The following PREP variants were observed in gnomAD, a reference collection of about 807,000 sequenced individuals.
PREP encodes prolyl endopeptidase.
Under a neutral mutation model 87.6 loss-of-function variants are expected in PREP, and 29 were observed. That is an observed-to-expected ratio of 0.33 (90% CI 0.25 to 0.45). The LOEUF (loss-of-function observed/expected upper bound fraction) is 0.45. PREP is among the 20% of genes least tolerant of loss of function. The pLI is 1.00. For synonymous variants in PREP, 337 were observed against 328.6 expected (o/e 1.03, Z -0.28); for missense variants, 695 against 886.5 (o/e 0.78, Z 2.74).
chr6:105,303,504 C>T (rs768274642), intron 10 of PREP, among the ~76,000 whole-genome samples: 56 of 152,040 alleles, frequency 3.7e-4, no homozygotes, highest in South Asian at 1.5e-3. Flanking sequence ...CCTTTCTAAA[C>T]CAAATCATGA....
intron 2 of PREP, among the ~76,000 whole-genome samples, chr6:105,387,467 C>T (rs1378997646): frequency 6.6e-6 from 1 of 151,962 alleles, no homozygotes; most frequent in African/African-American, 2.4e-5. Context: ...GGAGCTTTCC[C>T]TGATAGTGAA....
chr6:105,330,420 G>C (rs1056599812), intron 8 of PREP, among the ~76,000 whole-genome samples: 2 of 152,190 alleles, frequency 1.3e-5, no homozygotes, highest in Admixed American at 6.5e-5. Context: ...GGGATATGGA[G>C]AGTAAGGTAG....
chr6:105,288,680 T>G, intron 11 of PREP, 78 bp downstream of exon 11: 1 of 1,548,340 alleles, frequency 6.5e-7, no homozygotes, highest in Non-Finnish European at 8.8e-7. Context: ...AGAAAGTTGA[T>G]TTAGTAGAGC....
chr6:105,316,879 C>T (rs1196470928), intron 10 of PREP, among the ~76,000 whole-genome samples: 2 of 151,628 alleles, frequency 1.3e-5, no homozygotes, highest in Non-Finnish European at 1.5e-5. Context: ...AAAGTAATCA[C>T]AAGATACTTA....
chr6:105,292,407 T>C (rs1318646674), intron 10 of PREP, among the ~76,000 whole-genome samples: 2 of 152,212 alleles, frequency 1.3e-5, no homozygotes, highest in Non-Finnish European at 2.9e-5. Context: ...CTTGGGTGAC[T>C]AGATGTGCCG....
At chr6:105,372,262 C>T (rs1006579391) in intron 5 of PREP, among the ~76,000 whole-genome samples, 1 of 151,736 alleles carries the variant, frequency 6.6e-6, no homozygotes, top group South Asian at 2.1e-4. Flanking sequence ...AAAGATACAA[C>T]AAGTCATGAT....
intron 9 of PREP, among the ~76,000 whole-genome samples, chr6:105,325,290 CACCACG>C (rs1352526711): frequency 6.6e-6 from 1 of 152,206 alleles, no homozygotes; most frequent in Non-Finnish European, 1.5e-5. Context: ...ACCCTGGCAT[CACCACG>C]ACCTGTAGTA....
At chr6:105,349,981 T>G (rs1771904887) in intron 7 of PREP, among the ~76,000 whole-genome samples, 3 of 150,960 alleles carry the variant, frequency 2.0e-5, no homozygotes, top group African/African-American at 7.4e-5. Flanking sequence ...ACCCCTGAAT[T>G]TTCAATTACC....
At chr6:105,374,241 G>A (rs915541541) in intron 4 of PREP, among the ~76,000 whole-genome samples, 2 of 152,086 alleles carry the variant, frequency 1.3e-5, no homozygotes, top group African/African-American at 4.8e-5. Flanking sequence ...AGTCCTTTAG[G>A]GCCCTGGCAG....
At chr6:105,317,842 T>G (rs1204239111) in intron 10 of PREP, among the ~76,000 whole-genome samples, 2 of 152,246 alleles carry the variant, frequency 1.3e-5, no homozygotes, top group African/African-American at 4.8e-5. Flanking sequence ...TACGCTTGCA[T>G]CACGCTTCAT....
intron 10 of PREP, chr6:105,302,552 C>T (rs1770560450): frequency 2.5e-6 from 1 of 396,004 alleles, no homozygotes. Flanking sequence ...GCCAGTGGCG[C>T]AGGCGCATGT....
At chr6:105,339,879 G>C (rs1771590051) in intron 7 of PREP, among the ~76,000 whole-genome samples, 1 of 152,180 alleles carries the variant, frequency 6.6e-6, no homozygotes, top group Admixed American at 6.5e-5. Flanking sequence ...CAAGAAATAT[G>C]GGACTATGTG....
chr6:105,387,532 C>T (rs1773029736), intron 2 of PREP, among the ~76,000 whole-genome samples: 1 of 151,292 alleles, frequency 6.6e-6, no homozygotes, highest in Non-Finnish European at 1.5e-5. Flanking sequence ...CTTTTGGCTT[C>T]CCTGGGCCAC....
At chr6:105,371,701 T>G (rs1048613316) in intron 5 of PREP, among the ~76,000 whole-genome samples, 2 of 152,034 alleles carry the variant, frequency 1.3e-5, no homozygotes, top group Non-Finnish European at 2.9e-5. Context: ...TCATGGCACT[T>G]AAGTGATTGT....
intron 10 of PREP, among the ~76,000 whole-genome samples, chr6:105,319,040 G>GA (rs199943971): frequency 4.7e-4 from 72 of 151,878 alleles, no homozygotes; most frequent in African/African-American, 1.6e-3. Context: ...GAATTAAAGG[G>GA]AAAAAAAATC....
At chr6:105,340,572 C>T (rs1583066750) in intron 7 of PREP, among the ~76,000 whole-genome samples, 1 of 152,140 alleles carries the variant, frequency 6.6e-6, no homozygotes, top group East Asian at 1.9e-4. Flanking sequence ...GGGCTAAATG[C>T]TCCAATTAAA....
chr6:105,328,157 A>G (rs1771220598), intron 9 of PREP, among the ~76,000 whole-genome samples: 1 of 152,158 alleles, frequency 6.6e-6, no homozygotes, highest in Non-Finnish European at 1.5e-5. Flanking sequence ...ATTCCAGAAA[A>G]CATTTTTTGT....
At chr6:105,304,830 A>T (rs1242033592) in intron 10 of PREP, among the ~76,000 whole-genome samples, 1 of 152,220 alleles carries the variant, frequency 6.6e-6, no homozygotes, top group Non-Finnish European at 1.5e-5. Context: ...ATAAGATAAA[A>T]TTAACTCTGG....
intron 12 of PREP, among the ~76,000 whole-genome samples, chr6:105,284,644 G>A (rs1211623763): frequency 6.6e-6 from 1 of 152,100 alleles, no homozygotes; most frequent in Admixed American, 6.5e-5. Context: ...GGAGGTGAAG[G>A]TGCTTTCCCA....
Sources: allele counts gnomAD v4.1 joint callset (sites outside exome capture counted in the v4.1 genomes callset), GRCh38; gene constraint gnomAD v4.1.1; transcripts MANE v1.5; gene names NCBI Gene and HGNC (gene_info 2026-07-23, HGNC 2026-07-21).